The following CNTN5 variants were observed in gnomAD, a reference collection of about 807,000 sequenced individuals.
CNTN5 encodes contactin 5.
Under a neutral mutation model 129.1 loss-of-function variants are expected in CNTN5, and 77 were observed. The observed-to-expected ratio is 0.60, with a 90% CI of 0.50 to 0.72. The LOEUF (loss-of-function observed/expected upper bound fraction) is 0.72. CNTN5 is among the 30% of genes least tolerant of loss of function. CNTN5 has a pLI of 0.00. For synonymous variants in CNTN5, 509 were observed against 465.6 expected, an observed-to-expected ratio of 1.09 and a Z score of -1.20; for missense variants, 1,478 against 1,328.8, an observed-to-expected ratio of 1.11 and a Z score of -1.75.
chr11:99,858,072 GGT>G (rs1948095068), intron 6 of CNTN5, among the ~76,000 whole-genome samples: 1 of 151,946 alleles, frequency 6.6e-6, no homozygotes, highest in Non-Finnish European at 1.5e-5. Context: ...CTTTCAGTCA[GGT>G]TTTTAAAGAT....
chr11:99,831,449 TGGA>T (rs1466132097), intron 4 of CNTN5, among the ~76,000 whole-genome samples: 4 of 152,176 alleles, frequency 2.6e-5, no homozygotes, highest in African/African-American at 7.2e-5. Context: ...GGCATTGTGG[TGGA>T]GAAGAATTTG....
intron 9 of CNTN5, among the ~76,000 whole-genome samples, chr11:100,013,863 T>C (rs1301528589): frequency 1.3e-5 from 2 of 152,206 alleles, no homozygotes; most frequent in Non-Finnish European, 2.9e-5. Flanking sequence ...ATATGTTTTA[T>C]GACAATACTC....
intron 2 of CNTN5, among the ~76,000 whole-genome samples, chr11:99,523,694 CAGAATAGAACAGAATAGAATAGAAT>C (rs1221117471): frequency 2.8e-4 from 22 of 77,922 alleles, no homozygotes; most frequent in African/African-American, 8.6e-4. Flanking sequence ...CAGAACAGAA[CAGAATAGAACAGAATAGAATAGAAT>C]AGAATAGAAT....
chr11:100,026,348 A>T (rs1941418174), intron 9 of CNTN5, among the ~76,000 whole-genome samples: 1 of 152,102 alleles, frequency 6.6e-6, no homozygotes, highest in African/African-American at 2.4e-5. Context: ...ACTTTCCTTT[A>T]TAAATTGCCT....
chr11:99,538,277 T>C (rs1477343370), intron 2 of CNTN5, among the ~76,000 whole-genome samples: 2 of 152,160 alleles, frequency 1.3e-5, no homozygotes, highest in Non-Finnish European at 2.9e-5. Context: ...TGAAAGAAAC[T>C]GAAGCAGCAC....
intron 2 of CNTN5, among the ~76,000 whole-genome samples, chr11:99,351,745 A>AAAAT (rs1938312986): frequency 6.6e-6 from 1 of 152,210 alleles, no homozygotes. Flanking sequence ...TATGGAGTTC[A>AAAAT]ATGTTACTGA....
At chr11:99,156,311 T>G (rs896775621) in intron 1 of CNTN5, among the ~76,000 whole-genome samples, 1 of 152,030 alleles carries the variant, frequency 6.6e-6, no homozygotes, top group Admixed American at 6.6e-5. Context: ...TTTAAACTCA[T>G]TAGTAAATCA....
intron 2 of CNTN5, among the ~76,000 whole-genome samples, chr11:99,424,170 T>C (rs1196184106): frequency 2.0e-5 from 3 of 152,212 alleles, no homozygotes; most frequent in Non-Finnish European, 4.4e-5. Flanking sequence ...ATTTTAACAA[T>C]ATGGCAACAT....
At chr11:99,103,058 C>G (rs1028243828) in intron 1 of CNTN5, among the ~76,000 whole-genome samples, 1 of 152,008 alleles carries the variant, frequency 6.6e-6, no homozygotes, top group African/African-American at 2.4e-5. Flanking sequence ...GAGAACCAAG[C>G]GAAAGGGGTT....
chr11:99,551,432 A>G (rs999257801), intron 2 of CNTN5, among the ~76,000 whole-genome samples: 1 of 152,172 alleles, frequency 6.6e-6, no homozygotes, highest in Non-Finnish European at 1.5e-5. Context: ...AAGGGTTAAC[A>G]TTATTTATTA....
chr11:99,023,137 T>G (rs535902173), intron 1 of CNTN5, among the ~76,000 whole-genome samples: 4 of 152,308 alleles, frequency 2.6e-5, no homozygotes, highest in African/African-American at 9.6e-5. Flanking sequence ...CAGTTAGTAC[T>G]TCAAGTATTA....
At chr11:100,037,349 G>A (rs978267981) in intron 9 of CNTN5, among the ~76,000 whole-genome samples, 5 of 151,940 alleles carry the variant, frequency 3.3e-5, no homozygotes, top group Admixed American at 2.0e-4. Context: ...GCTTTTTGAT[G>A]TGCTGCTGGA....
chr11:99,317,893 A>G (rs1865410633), intron 1 of CNTN5, among the ~76,000 whole-genome samples: 1 of 152,114 alleles, frequency 6.6e-6, no homozygotes, highest in South Asian at 2.1e-4. Context: ...TTTTTACAAA[A>G]GAGTTTGTAT....
intron 3 of CNTN5, among the ~76,000 whole-genome samples, chr11:99,799,172 A>G (rs1373863669): frequency 2.0e-5 from 3 of 151,966 alleles, no homozygotes; most frequent in African/African-American, 7.2e-5. Flanking sequence ...GTTTCTATGT[A>G]TAGAATCATA....
Position 100,193,502 on chromosome 11 carries a change from G to T in CNTN5, c.1723G>T (p.Glu575Ter). 1 of 1,593,850 alleles carries T rather than the reference G, an allele frequency of 6.3e-7. No individual in the cohort carries two copies. Among genetic ancestry groups the T allele is most frequent in the Non-Finnish European group, 8.6e-7 (1 of 1,167,778 alleles). Residue 575 changes from glutamate (E) to a stop codon, truncating the protein, a stop_gained, in exon 15 of 25, where the codon GAA (glutamate) becomes TAA (stop). Coordinates refer to ENST00000524871, the MANE Select transcript of CNTN5 (RefSeq NM_014361.4). LOFTEE classifies it high-confidence loss of function. Reference sequence around the variant, plus strand: ...TATTTCTATAGAACCTACAAGGATAGAACTTACTCCTAAAAGAACAGAATT... The same window carrying T: ...TATTTCTATAGAACCTACAAGGATATAACTTACTCCTAAAAGAACAGAATT... ...SLSVKEPTRIELTPKRTELTV... is the reference protein window; with the variant it reads ...SLSVKEPTRI
At chr11:99,050,017 G>C (rs1237800619) in intron 1 of CNTN5, among the ~76,000 whole-genome samples, 1 of 152,028 alleles carries the variant, frequency 6.6e-6, no homozygotes, top group Non-Finnish European at 1.5e-5. Flanking sequence ...ATTATGCAAT[G>C]AATTAGTTTC....
intron 2 of CNTN5, among the ~76,000 whole-genome samples, chr11:99,386,063 C>G (rs1186574014): frequency 6.6e-6 from 1 of 152,214 alleles, no homozygotes; most frequent in South Asian, 2.1e-4. Flanking sequence ...ACGGCATATA[C>G]TGATCTACTC....
At chr11:99,037,739 A>G (rs1191819180) in intron 1 of CNTN5, among the ~76,000 whole-genome samples, 3 of 151,452 alleles carry the variant, frequency 2.0e-5, no homozygotes, top group Non-Finnish European at 4.4e-5. Flanking sequence ...CCCACCACGC[A>G]CAGCTAATTT....
At chr11:99,231,626 T>G (rs1437346865) in intron 1 of CNTN5, among the ~76,000 whole-genome samples, 1 of 152,218 alleles carries the variant, frequency 6.6e-6, no homozygotes, top group African/African-American at 2.4e-5. Context: ...GATAGTTTAA[T>G]TTCCTGTGCA....
Sources: gnomAD v4.1 joint callset for allele counts (sites outside exome capture counted in the v4.1 genomes callset) on GRCh38, gnomAD v4.1.1 for gene constraint, MANE v1.5 for transcripts, NCBI Gene and HGNC (gene_info 2026-07-23, HGNC 2026-07-21) for gene names.